Variants in MYT1L observed in about 807,000 individuals in gnomAD.
MYT1L encodes the protein myelin transcription factor 1-like protein.
In MYT1L, 12 loss-of-function variants were observed where a neutral mutation model predicts 126.7. The observed-to-expected ratio is 0.09, with a 90% CI of 0.06 to 0.15. MYT1L has a LOEUF of 0.15. Among genes scored for constraint, MYT1L ranks in the 10% least tolerant of loss-of-function variants. The probability of loss-of-function intolerance (pLI) is 1.00; values close to 1 mark genes in which losing one functional copy is unlikely to be tolerated. For synonymous variants in MYT1L, 541 were observed against 604.2 expected (o/e 0.90, Z 1.53); for missense variants, 979 against 1,585.2 (o/e 0.62, Z 6.49).
At chr2:1,843,614 TAGGGAGAATTACGGTATCCTACCC>T (rs2042121876) in intron 19 of MYT1L, among the ~76,000 whole-genome samples, 1 of 150,028 alleles carries the variant, frequency 6.7e-6, no homozygotes, top group African/African-American at 2.5e-5. Context: ...GTGTCCTTCC[TAGGGAGAATTACGGTATCCTACCC>T]AGGGAGAATT....
intron 13 of MYT1L, among the ~76,000 whole-genome samples, chr2:1,905,957 C>T (rs938452249): frequency 4.6e-5 from 7 of 152,198 alleles, no homozygotes; most frequent in Non-Finnish European, 1.0e-4. Flanking sequence ...TGAGTCCTTG[C>T]TCTCTTCCTA....
rs950117942 is a variant in MYT1L, at chr2:1,936,683, G to T, written c.505+6299C>A. Among the ~76,000 whole-genome samples, 3 of 152,148 alleles carry T rather than the reference G, an allele frequency of 2.0e-5. No homozygotes were observed. The South Asian group carries it at 6.2e-4, about 32-fold the overall frequency. The stretch of plus-strand genomic sequence containing the variant: ...ATTCTGCTTTTCACAGTCTGTCTGC[G>T]TTTCAACTTGCTTTCCTCATCAGGG... On this transcript the variant is annotated intron_variant, in intron 9 of 24. Transcript: ENST00000647738.
chr2:2,064,359 A>C (rs560409350), intron 3 of MYT1L, among the ~76,000 whole-genome samples: 2 of 152,288 alleles, frequency 1.3e-5, no homozygotes, highest in Non-Finnish European at 2.9e-5. Context: ...CCATCACAGT[A>C]AGGTTTGATG....
intron 1 of MYT1L, among the ~76,000 whole-genome samples, chr2:2,296,365 TA>T (rs774695666): frequency 6.6e-6 from 1 of 151,478 alleles, no homozygotes; most frequent in South Asian, 2.1e-4. Context: ...TTAGATCATT[TA>T]TTTTTTTTTA....
chr2:1,897,372 A>G (rs1222772437), intron 14 of MYT1L, among the ~76,000 whole-genome samples: 2 of 152,220 alleles, frequency 1.3e-5, no homozygotes, highest in Non-Finnish European at 2.9e-5. Flanking sequence ...CCCCTCTTCC[A>G]GCACAGAGGA....
In MYT1L at chr2:1,845,579, C is replaced by T. The variant is rs192366305; in HGVS notation, c.2775-4736G>A. Among the ~76,000 whole-genome samples the T allele has an allele frequency of 2.3e-3, 355 of 152,222 alleles. 3 individuals carry two copies. Among genetic ancestry groups the T allele is most frequent in the African/African-American group, 8.0e-3 (334 of 41,528 alleles). ...ACTCCTGGCCCTGCTGGTCACGGCC[C>T]CATTGCTGCTCTCCTCACCTGCACC... On this transcript the variant is annotated intron_variant, in intron 19 of 24. Coordinates refer to ENST00000647738, the MANE Select transcript of MYT1L (RefSeq NM_001303052.2).
chr2:2,032,546 T>G (rs1291580360), intron 4 of MYT1L, among the ~76,000 whole-genome samples: 2 of 60,966 alleles, frequency 3.3e-5, no homozygotes, highest in South Asian at 6.6e-4. Flanking sequence ...CTTACACACA[T>G]CCCTCCCCAG....
At chr2:2,206,892 G>A (rs990097157) in intron 2 of MYT1L, among the ~76,000 whole-genome samples, 1 of 152,182 alleles carries the variant, frequency 6.6e-6, no homozygotes, top group Non-Finnish European at 1.5e-5. Context: ...CGGTACTGAA[G>A]GGCTATCTAG....
At chr2:1,808,387 G>A (rs936851404) in intron 22 of MYT1L, among the ~76,000 whole-genome samples, 3 of 152,182 alleles carry the variant, frequency 2.0e-5, no homozygotes, top group Non-Finnish European at 4.4e-5. Flanking sequence ...GCTGCTCTGC[G>A]AGTGCACAGG....
chr2:2,249,416 G>T (rs2094593986), intron 2 of MYT1L, among the ~76,000 whole-genome samples: 1 of 151,804 alleles, frequency 6.6e-6, no homozygotes, highest in Non-Finnish European at 1.5e-5. Context: ...TGAACTGGAA[G>T]AATCAATATT....
intron 13 of MYT1L, among the ~76,000 whole-genome samples, chr2:1,904,401 T>C (rs2050761889): frequency 6.6e-6 from 1 of 152,084 alleles, no homozygotes; most frequent in South Asian, 2.1e-4. Context: ...GGAGTCTCGG[T>C]CTGGTGGTCT....
chr2:2,103,170 G>GT, intron 3 of MYT1L, among the ~76,000 whole-genome samples: 1 of 152,014 alleles, frequency 6.6e-6, no homozygotes, highest in South Asian at 2.1e-4. Flanking sequence ...CTGCACGTGG[G>GT]TAAAAAAAAA....
chr2:2,213,996 A>T (rs931561469), intron 2 of MYT1L, among the ~76,000 whole-genome samples: 24 of 152,246 alleles, frequency 1.6e-4, no homozygotes, highest in Admixed American at 1.4e-3. Flanking sequence ...GAGATATTTT[A>T]AAAAATTAAA....
At chr2:2,045,127 A>G (rs1224692984) in intron 4 of MYT1L, among the ~76,000 whole-genome samples, 1 of 152,224 alleles carries the variant, frequency 6.6e-6, no homozygotes, top group East Asian at 1.9e-4. Context: ...CAGAAAGTCT[A>G]TGAGGAATAA....
rs2058354866 is a variant in MYT1L at position 1,956,221 on chromosome 2, C to CTATT, written c.153-12888_153-12887insAATA. Among the ~76,000 whole-genome samples, 17 of 133,388 alleles carry CTATT rather than the reference C, an allele frequency of 1.3e-4. No homozygotes were observed. In the South Asian group the frequency reaches 3.6e-3, roughly 28 times the overall value. The allele number at this position is 133,388 out of a possible 152,430, so 87.5% of individuals were successfully genotyped here. On this transcript the variant is annotated intron_variant, in intron 8 of 24. Transcript: ENST00000647738. ...TCTATCTATCTATCTATCTATCTAT[C>CTATT]TATCTGTCTATCATCTATCTATCCT...
chr2:2,093,695 T>C (rs1222304470), intron 3 of MYT1L, among the ~76,000 whole-genome samples: 9 of 152,194 alleles, frequency 5.9e-5, no homozygotes, highest in Non-Finnish European at 1.2e-4. Flanking sequence ...TTTAGTTTAA[T>C]TAGATCCCAT....
At chr2:1,920,550 T>A (rs2053441869) in intron 10 of MYT1L, among the ~76,000 whole-genome samples, 1 of 152,124 alleles carries the variant, frequency 6.6e-6, no homozygotes, top group African/African-American at 2.4e-5. Context: ...GCTACATTAC[T>A]TCATGCCCAA....
At chr2:2,138,045 T>C (rs1575427116) in intron 3 of MYT1L, among the ~76,000 whole-genome samples, 1 of 152,254 alleles carries the variant, frequency 6.6e-6, no homozygotes, top group Admixed American at 6.5e-5. Context: ...GAACAGACAC[T>C]TCGCAAAATA....
chr2:2,201,580 C>T lies in MYT1L; in HGVS notation c.-420-28592G>A, dbSNP rs911127710. 3.9e-5 allele frequency among the ~76,000 whole-genome samples: 6 copies of T among 152,038 alleles called. No individual in the cohort carries two copies. In the East Asian group the frequency reaches 1.2e-3, roughly 29 times the overall value. ...GGGCGTGGTGGCAGGTACCTGTAAT[C>T]CCAGCTACTCAGGAGGCTGAGGCAG... On this transcript the variant is annotated intron_variant, in intron 2 of 24. Transcript: ENST00000647738.
Sources: gnomAD v4.1 joint callset for allele counts (sites outside exome capture counted in the v4.1 genomes callset) on GRCh38, gnomAD v4.1.1 for gene constraint, MANE v1.5 for transcripts, NCBI Gene and HGNC (gene_info 2026-07-23, HGNC 2026-07-21) for gene names.